KALRN: variants seen among roughly 807,000 people sequenced by gnomAD.
The protein encoded by KALRN is kalirin RhoGEF kinase.
Under a neutral mutation model 353.7 loss-of-function variants are expected in KALRN, and 70 were observed. The observed-to-expected ratio is 0.20, with a 90% CI of 0.16 to 0.24. The LOEUF (loss-of-function observed/expected upper bound fraction) is 0.24. Ranked by LOEUF, KALRN falls within the 10% of genes least tolerant of loss-of-function variation. The pLI is 1.00. For missense variants in KALRN, 2,791 were observed against 3,756.7 expected (o/e 0.74, Z 6.72); for synonymous variants, 1,391 against 1,434.8 (o/e 0.97, Z 0.69).
At chr3:124,559,332 G>T (rs1416301834) in intron 33 of KALRN, among the ~76,000 whole-genome samples, 1 of 152,222 alleles carries the variant, frequency 6.6e-6, no homozygotes, top group Non-Finnish European at 1.5e-5. Flanking sequence ...GGAAAGTAAG[G>T]ACAAGGAGTT....
chr3:124,402,718 A>G (rs534605307), intron 13 of KALRN, among the ~76,000 whole-genome samples: 3 of 152,350 alleles, frequency 2.0e-5, no homozygotes, highest in Non-Finnish European at 4.4e-5. Flanking sequence ...ACGTTCGGTC[A>G]CTGCCTAATA....
At chr3:124,712,016 A>G (rs1169231148) in intron 57 of KALRN, among the ~76,000 whole-genome samples, 1 of 152,210 alleles carries the variant, frequency 6.6e-6, no homozygotes, top group Non-Finnish European at 1.5e-5. Flanking sequence ...ACAAAGGCAT[A>G]AGAATGATAT....
At chr3:124,632,077 T>G (rs536487723) in intron 34 of KALRN, among the ~76,000 whole-genome samples, 13 of 152,344 alleles carry the variant, frequency 8.5e-5, no homozygotes, top group Admixed American at 4.6e-4. Flanking sequence ...TGTTTTGATG[T>G]AGCACTTCTC....
intron 6 of KALRN, among the ~76,000 whole-genome samples, chr3:124,313,707 G>T (rs913975580): frequency 1.6e-4 from 25 of 152,152 alleles, no homozygotes; most frequent in African/African-American, 5.6e-4. Flanking sequence ...CCACATATGG[G>T]TTCCACTCTA....
chr3:124,102,162 G>A (rs891123021), intron 1 of KALRN, among the ~76,000 whole-genome samples: 1 of 152,048 alleles, frequency 6.6e-6, no homozygotes, highest in African/African-American at 2.4e-5. Context: ...AGTCATCTAT[G>A]TATATATACC....
chr3:124,510,328 G>T (rs2065761528), intron 33 of KALRN, among the ~76,000 whole-genome samples: 1 of 152,132 alleles, frequency 6.6e-6, no homozygotes, highest in African/African-American at 2.4e-5. Context: ...AAGAGTGAGG[G>T]GTAAGGGAGA....
At chr3:124,286,115 C>CTTTCTT (rs2075850381) in intron 5 of KALRN, among the ~76,000 whole-genome samples, 1 of 146,712 alleles carries the variant, frequency 6.8e-6, no homozygotes, top group Admixed American at 6.9e-5. Flanking sequence ...TTCTTTCTTT[C>CTTTCTT]TTTCTTTCTT....
chr3:124,157,132 CTA>C (rs1217342226), intron 1 of KALRN, among the ~76,000 whole-genome samples: 1 of 152,132 alleles, frequency 6.6e-6, no homozygotes, highest in Non-Finnish European at 1.5e-5. Flanking sequence ...ATTTATCTCT[CTA>C]GAGATATTTT....
intron 33 of KALRN, among the ~76,000 whole-genome samples, chr3:124,521,083 C>T (rs1577690824): frequency 6.6e-6 from 1 of 152,290 alleles, no homozygotes; most frequent in East Asian, 1.9e-4. Flanking sequence ...GACCAGTGTC[C>T]TGCTCTTCCT....
At chr3:124,527,150 A>G (rs374253034) in intron 33 of KALRN, among the ~76,000 whole-genome samples, 1 of 152,342 alleles carries the variant, frequency 6.6e-6, no homozygotes, top group East Asian at 1.9e-4. Flanking sequence ...CTAAGATCCA[A>G]TGACTGACAC....
chr3:124,365,184 T>C (rs2084515375), intron 10 of KALRN, among the ~76,000 whole-genome samples: 1 of 152,208 alleles, frequency 6.6e-6, no homozygotes, highest in African/African-American at 2.4e-5. Flanking sequence ...TTTTTGTTTT[T>C]ATTGATGATG....
chr3:124,158,636 G>C (rs1032362797), intron 1 of KALRN, among the ~76,000 whole-genome samples: 16 of 152,122 alleles, frequency 1.1e-4, no homozygotes, highest in African/African-American at 3.6e-4. Context: ...AACTCATCAT[G>C]TTAATGGGAA....
At chr3:124,602,484 C>CAGA (rs2076908389) in intron 34 of KALRN, among the ~76,000 whole-genome samples, 1 of 152,164 alleles carries the variant, frequency 6.6e-6, no homozygotes, top group African/African-American at 2.4e-5. Context: ...TGTCAAGTGT[C>CAGA]AACCTAGGAC....
intron 33 of KALRN, among the ~76,000 whole-genome samples, chr3:124,557,142 G>A (rs1185428989): frequency 6.6e-6 from 1 of 152,128 alleles, no homozygotes; most frequent in Non-Finnish European, 1.5e-5. Context: ...TATATTGTGT[G>A]ATGCTGAGGT....
chr3:124,155,233 T>G (rs1040839626), intron 1 of KALRN, among the ~76,000 whole-genome samples: 2 of 152,130 alleles, frequency 1.3e-5, no homozygotes, highest in Non-Finnish European at 2.9e-5. Flanking sequence ...CAAAGGAACC[T>G]TCTTCTTCTT....
intron 33 of KALRN, among the ~76,000 whole-genome samples, chr3:124,509,337 C>A (rs574822529): frequency 3.5e-4 from 53 of 152,254 alleles, no homozygotes; most frequent in African/African-American, 1.3e-3. Flanking sequence ...GCCCCCAGAG[C>A]TGCTGGGATT....
rs1310349079 is a variant in KALRN at position 124,725,956 on chromosome 3, CAATT to C, written c.*6487_*6490del. On this transcript the variant is annotated 3_prime_UTR_variant, in exon 60 of 60. Coordinates refer to ENST00000682506, the MANE Select transcript of KALRN (RefSeq NM_001388419.1). Reference sequence around the variant, plus strand: ...GTACATACTTCCATCAGGCTTGTAACAATTGATTTAAAATCACTCCACAGTATTG... The same window carrying C: ...GTACATACTTCCATCAGGCTTGTAACGATTTAAAATCACTCCACAGTATTG... 2 of 152,158 alleles carry C rather than the reference CAATT, an allele frequency of 1.3e-5. No homozygotes were observed. Among genetic ancestry groups the C allele is most frequent in the East Asian group, 3.8e-4 (2 of 5,208 alleles). 9.4% of individuals were successfully genotyped at this position (152,158 alleles called of 1,614,324 possible). A position where few individuals can be genotyped will look rare whatever the true frequency, so the allele number is the denominator to read the frequency against.
chr3:124,540,337 AG>A (rs1236651919), intron 33 of KALRN, among the ~76,000 whole-genome samples: 1 of 152,226 alleles, frequency 6.6e-6, no homozygotes, highest in African/African-American at 2.4e-5. Context: ...ATGTCAGGGT[AG>A]CCATGCGCCC....
At chr3:124,673,165 G>A (rs2086675048) in intron 48 of KALRN, among the ~76,000 whole-genome samples, 1 of 152,050 alleles carries the variant, frequency 6.6e-6, no homozygotes, top group Admixed American at 6.6e-5. Flanking sequence ...CAGGGTGATG[G>A]CTTGGGCTTA....
Sources: allele counts gnomAD v4.1 joint callset (sites outside exome capture counted in the v4.1 genomes callset), GRCh38; gene constraint gnomAD v4.1.1; transcripts MANE v1.5; gene names NCBI Gene and HGNC (gene_info 2026-07-23, HGNC 2026-07-21).